Variants in NRG1 observed in about 807,000 individuals in gnomAD.
NRG1 encodes pro-neuregulin-1, membrane-bound isoform.
A neutral mutation model predicts 63.8 loss-of-function variants in NRG1; 18 were observed. The ratio of observed to expected loss-of-function variants is 0.28; its 90% CI spans 0.19 to 0.42. The LOEUF (loss-of-function observed/expected upper bound fraction) is 0.42, where lower values mean the gene tolerates loss of function less well. Among genes scored for constraint, NRG1 ranks in the 10% least tolerant of loss-of-function variants. The probability of loss-of-function intolerance (pLI) is 1.00; values close to 1 mark genes in which losing one functional copy is unlikely to be tolerated. For synonymous variants in NRG1, 302 were observed against 301.3 expected (o/e 1.00, Z -0.02); for missense variants, 762 against 814.7 (o/e 0.94, Z 0.79).
At chr8:32,183,924 A>C (rs555871079) in intron 1 of NRG1, among the ~76,000 whole-genome samples, 5 of 152,302 alleles carry the variant, frequency 3.3e-5, no homozygotes, top group East Asian at 1.9e-4. Context: ...GGCATTCACA[A>C]TTATTTCCTT....
intron 1 of NRG1, among the ~76,000 whole-genome samples, chr8:32,392,479 C>G (rs1811901553): frequency 6.6e-6 from 1 of 152,118 alleles, no homozygotes; most frequent in African/African-American, 2.4e-5. Context: ...TTTTTCGCAT[C>G]TCCATGTTCC....
chr8:32,658,038 C>T (rs542498239), intron 5 of NRG1, among the ~76,000 whole-genome samples: 3 of 152,256 alleles, frequency 2.0e-5, no homozygotes, highest in East Asian at 1.9e-4. Context: ...CCTACTTCCA[C>T]GATAACAGGG....
At chr8:32,096,406 CATT>C (rs1462312054) in intron 1 of NRG1, among the ~76,000 whole-genome samples, 5 of 152,168 alleles carry the variant, frequency 3.3e-5, no homozygotes, top group African/African-American at 1.2e-4. Flanking sequence ...TCACCTCAAA[CATT>C]ATCATTTCTT....
chr8:31,792,559 G>A (rs1000396775), intron 1 of NRG1, among the ~76,000 whole-genome samples: 4 of 152,180 alleles, frequency 2.6e-5, no homozygotes, highest in African/African-American at 9.7e-5. Flanking sequence ...TAAAAAAATT[G>A]TTTCATTAAT....
chr8:31,860,592 C>A (rs923540077), intron 1 of NRG1, among the ~76,000 whole-genome samples: 1 of 152,062 alleles, frequency 6.6e-6, no homozygotes, highest in Non-Finnish European at 1.5e-5. Context: ...GTGTGCCCCA[C>A]CATAATAATA....
chr8:32,487,041 A>T (rs1342976034), intron 1 of NRG1, among the ~76,000 whole-genome samples: 1 of 152,138 alleles, frequency 6.6e-6, no homozygotes, highest in Non-Finnish European at 1.5e-5. Context: ...AGAGTAAGCA[A>T]ATAAATCATA....
At chr8:31,825,136 A>T (rs921495347) in intron 1 of NRG1, among the ~76,000 whole-genome samples, 3 of 152,194 alleles carry the variant, frequency 2.0e-5, no homozygotes, top group Non-Finnish European at 4.4e-5. Context: ...TCCGCCTGTA[A>T]TCCCAGCACT....
intron 1 of NRG1, among the ~76,000 whole-genome samples, chr8:31,860,122 G>A (rs1188955687): frequency 6.6e-6 from 1 of 152,182 alleles, no homozygotes; most frequent in Non-Finnish European, 1.5e-5. Context: ...AGCTGAGAGA[G>A]AGCTTCCATA....
At chr8:32,405,115 C>T (rs1813778471) in intron 1 of NRG1, among the ~76,000 whole-genome samples, 2 of 152,170 alleles carry the variant, frequency 1.3e-5, no homozygotes, top group Admixed American at 1.3e-4. Flanking sequence ...TTGCCATATC[C>T]AGGCTGTCCC....
At chr8:32,672,530 C>T (rs1175751276) in intron 5 of NRG1, among the ~76,000 whole-genome samples, 2 of 152,062 alleles carry the variant, frequency 1.3e-5, no homozygotes, top group Non-Finnish European at 2.9e-5. Context: ...AACAGCACAA[C>T]TCTGTAAATA....
rs142266835 is a variant in NRG1, at chr8:32,527,952, C to T, written c.38-67876C>T. Among the ~76,000 whole-genome samples, 8 of 152,294 alleles carry T rather than the reference C, an allele frequency of 5.3e-5. No individual in the cohort carries two copies. In the East Asian group the frequency reaches 9.7e-4, roughly 18 times the overall value. On this transcript the variant is annotated intron_variant, in intron 1 of 10. Coordinates refer to the NRG1 transcript ENST00000519301. ...CCCAGTTCTCCTGCAATCACCCAGG[C>T]GTGGTCATGGTTGTCTCTTGCCTCC...
intron 1 of NRG1, among the ~76,000 whole-genome samples, chr8:31,855,706 A>C (rs1194424729): frequency 5.9e-5 from 9 of 152,024 alleles, no homozygotes; most frequent in East Asian, 5.8e-4. Flanking sequence ...TCTTCCTAGT[A>C]TCGATGGTCT....
chr8:31,868,144 TCTTACACACACACA>T (rs1298620953), intron 1 of NRG1, among the ~76,000 whole-genome samples: 1,379 of 111,040 alleles, frequency 0.012, 14 homozygotes, highest in Middle Eastern at 0.017. Flanking sequence ...CACACATACA[TCTTACACACACACA>T]CACACACACA....
At chr8:31,720,936 A>C (rs1335292961) in intron 1 of NRG1, among the ~76,000 whole-genome samples, 2 of 152,156 alleles carry the variant, frequency 1.3e-5, no homozygotes, top group East Asian at 3.9e-4. Flanking sequence ...TTTGTGGATA[A>C]ATGTGTTTAT....
chr8:31,841,847 C>T (rs529137777), intron 1 of NRG1, among the ~76,000 whole-genome samples: 33 of 152,218 alleles, frequency 2.2e-4, no homozygotes, highest in African/African-American at 7.5e-4. Context: ...GAGTCATACA[C>T]CCAGATAACA....
At chr8:32,594,588 T>C (rs1268496872) in intron 1 of NRG1, among the ~76,000 whole-genome samples, 50 of 152,226 alleles carry the variant, frequency 3.3e-4, no homozygotes, top group Non-Finnish European at 8.8e-5. Flanking sequence ...TTCACCTTTA[T>C]GCCTATCCAT....
At position 31,810,810 on chromosome 8, in the gene NRG1, C is replaced by T. The variant is rs191099864; in HGVS notation, c.37+171379C>T. On this transcript the variant is annotated intron_variant, in intron 1 of 10. Coordinates refer to the NRG1 transcript ENST00000519301. ...CAGGGTATGGGACTGATGACTTCTCCACCAGCATATCCTCTGAGGGTGCTG... is the reference window on the plus strand; with the variant it reads ...CAGGGTATGGGACTGATGACTTCTCTACCAGCATATCCTCTGAGGGTGCTG... Among the ~76,000 whole-genome samples, 12 of 152,322 alleles carry T rather than the reference C, an allele frequency of 7.9e-5. No homozygotes were observed. In the East Asian group the frequency reaches 2.3e-3, roughly 29 times the overall value.
At chr8:31,708,427 A>C (rs1332270136) in intron 1 of NRG1, among the ~76,000 whole-genome samples, 3 of 149,828 alleles carry the variant, frequency 2.0e-5, no homozygotes, top group African/African-American at 7.4e-5. Context: ...TTACTTGAGA[A>C]AGAAAAATAA....
At chr8:32,070,524 A>T (rs1056853080) in intron 1 of NRG1, among the ~76,000 whole-genome samples, 3 of 152,184 alleles carry the variant, frequency 2.0e-5, no homozygotes, top group African/African-American at 7.2e-5. Context: ...TGTTTTCCTA[A>T]TGGCCATGAT....
Sources: allele counts gnomAD v4.1 joint callset (sites outside exome capture counted in the v4.1 genomes callset), GRCh38; gene constraint gnomAD v4.1.1; transcripts MANE v1.5; gene names NCBI Gene and HGNC (gene_info 2026-07-23, HGNC 2026-07-21).